The following CDK14 variants were observed in gnomAD, a reference collection of about 807,000 sequenced individuals.
CDK14 encodes cyclin-dependent kinase 14.
In CDK14, 34 loss-of-function variants were observed where a neutral mutation model predicts 60.7. The observed-to-expected ratio is 0.56, with a 90% CI of 0.43 to 0.75. The LOEUF is 0.75. CDK14 is among the 30% of genes least tolerant of loss of function. CDK14 has a pLI of 0.00. For synonymous variants in CDK14, 197 were observed against 203.7 expected, an observed-to-expected ratio of 0.97 and a Z score of 0.28; for missense variants, 482 against 564.1, an observed-to-expected ratio of 0.85 and a Z score of 1.47.
intron 14 of CDK14, among the ~76,000 whole-genome samples, chr7:91,137,268 G>A (rs893705262): frequency 6.6e-6 from 1 of 152,028 alleles, no homozygotes; most frequent in Non-Finnish European, 1.5e-5. Context: ...GTCTGAATTG[G>A]GGGGACCTGA....
At chr7:90,981,598 G>A (rs1279835688) in intron 9 of CDK14, among the ~76,000 whole-genome samples, 1 of 152,128 alleles carries the variant, frequency 6.6e-6, no homozygotes, top group African/African-American at 2.4e-5. Context: ...AGAGAAGTAG[G>A]TCACTTGGTC....
At chr7:90,782,664 A>C (rs1266929498) in intron 4 of CDK14, among the ~76,000 whole-genome samples, 1 of 152,152 alleles carries the variant, frequency 6.6e-6, no homozygotes, top group African/African-American at 2.4e-5. Context: ...ACAGGCTCAT[A>C]GTCTCTCCAT....
intron 14 of CDK14, among the ~76,000 whole-genome samples, chr7:91,145,355 C>T (rs1352810312): frequency 6.6e-6 from 1 of 152,136 alleles, no homozygotes; most frequent in Non-Finnish European, 1.5e-5. Context: ...TGAAAGTTAA[C>T]TGGAATTTAT....
At chr7:90,626,606 A>T (rs143193539) in intron 2 of CDK14, among the ~76,000 whole-genome samples, 1 of 152,356 alleles carries the variant, frequency 6.6e-6, no homozygotes, top group East Asian at 1.9e-4. Context: ...TACATAATGC[A>T]AATTTCATGT....
intron 14 of CDK14, among the ~76,000 whole-genome samples, chr7:91,160,070 A>G (rs1019735755): frequency 9.2e-5 from 14 of 152,250 alleles, no homozygotes; most frequent in African/African-American, 3.4e-4. Flanking sequence ...ATTAGAGATT[A>G]TACTTAGGAA....
intron 2 of CDK14, among the ~76,000 whole-genome samples, chr7:90,649,422 CTTCT>C (rs1326280503): frequency 3.2e-5 from 2 of 62,078 alleles, no homozygotes; most frequent in African/African-American, 7.3e-5. Flanking sequence ...TCTTTCTTTC[CTTCT>C]TTCTTTCTCT....
At chr7:91,206,032 G>T (rs1802886539) in intron 14 of CDK14, among the ~76,000 whole-genome samples, 1 of 152,108 alleles carries the variant, frequency 6.6e-6, no homozygotes, top group Admixed American at 6.5e-5. Context: ...CTGACCTCGT[G>T]ATCTGCCCGT....
intron 10 of CDK14, among the ~76,000 whole-genome samples, chr7:91,040,079 A>G (rs985798372): frequency 3.3e-5 from 5 of 152,140 alleles, no homozygotes; most frequent in African/African-American, 1.2e-4. Flanking sequence ...ATGAAATCCT[A>G]TCTCGAAAAA....
At chr7:90,849,042 A>G (rs1790558593) in intron 5 of CDK14, among the ~76,000 whole-genome samples, 1 of 152,064 alleles carries the variant, frequency 6.6e-6, no homozygotes. Flanking sequence ...TTGAGTTTAG[A>G]TGTTTGTTCT....
At chr7:91,079,616 T>A in intron 12 of CDK14, 136 bp downstream of exon 12, 1 of 717,582 alleles carries the variant, frequency 1.4e-6, no homozygotes, top group Non-Finnish European at 2.5e-6. Context: ...TAAACTGCTG[T>A]TAAACCTTAA....
At chr7:90,974,506 T>A (rs755519274) in intron 9 of CDK14, among the ~76,000 whole-genome samples, 4 of 152,188 alleles carry the variant, frequency 2.6e-5, no homozygotes, top group Non-Finnish European at 5.9e-5. Flanking sequence ...CCAGTCCCTC[T>A]GTTCTGGGTC....
intron 14 of CDK14, among the ~76,000 whole-genome samples, chr7:91,149,065 T>C (rs1264675910): frequency 6.6e-6 from 1 of 152,104 alleles, no homozygotes; most frequent in Non-Finnish European, 1.5e-5. Context: ...TATAAAACAA[T>C]TTTGCCCTGT....
chr7:90,643,590 A>G (rs572036248), intron 2 of CDK14, among the ~76,000 whole-genome samples: 1 of 152,306 alleles, frequency 6.6e-6, no homozygotes, highest in Non-Finnish European at 1.5e-5. Flanking sequence ...GTTGTAAAAT[A>G]TATGTGGGGC....
At chr7:91,187,675 C>G (rs958900447) in intron 14 of CDK14, among the ~76,000 whole-genome samples, 3 of 152,198 alleles carry the variant, frequency 2.0e-5, no homozygotes, top group South Asian at 2.1e-4. Context: ...CAGCTCTCCC[C>G]CTTGCCAGAG....
rs74610587 is a variant in CDK14 at position 90,878,505 on chromosome 7, T to G, written c.639+15236T>G. ...ATTTCAACTAGTAAATATAATGCAT[T>G]TCTTTTACACAACAGACATACTGTA... On this transcript the variant is annotated intron_variant, in intron 6 of 14. Coordinates refer to ENST00000380050, the MANE Select transcript of CDK14 (RefSeq NM_001287135.2). Among the ~76,000 whole-genome samples, 904 of 152,308 alleles carry G rather than the reference T, an allele frequency of 5.9e-3. 18 individuals carry two copies. The highest frequency in any genetic ancestry group is 0.021 in the African/African-American group (853 of 41,534).
chr7:90,967,435 T>C (rs777056265), intron 9 of CDK14, among the ~76,000 whole-genome samples: 8 of 152,166 alleles, frequency 5.3e-5, no homozygotes, highest in Non-Finnish European at 1.2e-4. Flanking sequence ...CATTTGTGAT[T>C]TTCCTGGGGC....
chr7:91,143,484 G>A (rs1800525744), intron 14 of CDK14, among the ~76,000 whole-genome samples: 2 of 152,166 alleles, frequency 1.3e-5, no homozygotes, highest in Non-Finnish European at 2.9e-5. Context: ...CTCTTTGGGA[G>A]GCCGAGGAGG....
intron 11 of CDK14, among the ~76,000 whole-genome samples, chr7:91,062,524 AT>A (rs1797835560): frequency 6.6e-6 from 1 of 151,848 alleles, no homozygotes; most frequent in East Asian, 1.9e-4. Flanking sequence ...AGCTGTTCCT[AT>A]TCGGCCATCT....
At chr7:90,838,349 C>T (rs760110368) in intron 5 of CDK14, among the ~76,000 whole-genome samples, 9 of 152,052 alleles carry the variant, frequency 5.9e-5, no homozygotes, top group South Asian at 2.1e-4. Context: ...GCGATGATTG[C>T]GTTAACTGTA....
Sources: allele counts gnomAD v4.1 joint callset (sites outside exome capture counted in the v4.1 genomes callset), GRCh38; gene constraint gnomAD v4.1.1; transcripts MANE v1.5; gene names NCBI Gene and HGNC (gene_info 2026-07-23, HGNC 2026-07-21).